The following CAMKMT variants were observed in gnomAD, a reference collection of about 807,000 sequenced individuals.
CAMKMT encodes the protein calmodulin-lysine N-methyltransferase.
Under a neutral mutation model 48.0 loss-of-function variants are expected in CAMKMT, and 53 were observed. The observed-to-expected ratio is 1.10, with a 90% CI of 0.89 to 1.39. The LOEUF (loss-of-function observed/expected upper bound fraction) is 1.39, where lower values mean the gene tolerates loss of function less well. Ranked by LOEUF, CAMKMT falls within the 40% of genes most tolerant of loss-of-function variation. The pLI, the probability that CAMKMT is intolerant of heterozygous loss-of-function variation, is 0.00. For synonymous variants in CAMKMT, 165 were observed against 152.3 expected, an observed-to-expected ratio of 1.08 and a Z score of -0.61; for missense variants, 428 against 402.7, an observed-to-expected ratio of 1.06 and a Z score of -0.54.
At chr2:44,726,226 A>T (rs538342005) in intron 7 of CAMKMT, among the ~76,000 whole-genome samples, 1 of 152,296 alleles carries the variant, frequency 6.6e-6, no homozygotes, top group East Asian at 1.9e-4. Flanking sequence ...TGGTGGTTGA[A>T]CTAATTTACA....
intron 3 of CAMKMT, among the ~76,000 whole-genome samples, chr2:44,411,979 A>AAT (rs1683232087): frequency 1.1e-5 from 1 of 91,840 alleles, no homozygotes; most frequent in African/African-American, 4.3e-5. Flanking sequence ...ATTCTCTTCA[A>AAT]TTTTTTTTTT....
At chr2:44,682,088 T>C (rs1676049131) in intron 3 of CAMKMT, among the ~76,000 whole-genome samples, 1 of 152,170 alleles carries the variant, frequency 6.6e-6, no homozygotes, top group Non-Finnish European at 1.5e-5. Context: ...TGCCTTAGAG[T>C]GTAAACCTGA....
At chr2:44,591,217 G>A (rs1234873355) in intron 3 of CAMKMT, among the ~76,000 whole-genome samples, 1 of 151,292 alleles carries the variant, frequency 6.6e-6, no homozygotes, top group African/African-American at 2.4e-5. Context: ...TTTTGGCTTA[G>A]GATTGACTTG....
intron 1 of CAMKMT, among the ~76,000 whole-genome samples, chr2:44,367,653 A>C (rs891340837): frequency 5.7e-5 from 7 of 122,844 alleles, no homozygotes; most frequent in African/African-American, 4.9e-4. Context: ...CCTCTCTGGC[A>C]GGCAGATATA....
chr2:44,643,451 G>A (rs1023635049), intron 3 of CAMKMT, among the ~76,000 whole-genome samples: 4 of 152,152 alleles, frequency 2.6e-5, no homozygotes, highest in African/African-American at 9.7e-5. Context: ...AGTGAGAGAG[G>A]TCTAGATGGA....
At chr2:44,726,083 G>A (rs889279903) in intron 7 of CAMKMT, among the ~76,000 whole-genome samples, 5 of 152,132 alleles carry the variant, frequency 3.3e-5, no homozygotes, top group African/African-American at 9.7e-5. Flanking sequence ...GTGAGAATAC[G>A]TGGTATTTGG....
chr2:44,758,419 T>C (rs1680472130), intron 9 of CAMKMT, among the ~76,000 whole-genome samples: 1 of 152,188 alleles, frequency 6.6e-6, no homozygotes, highest in Non-Finnish European at 1.5e-5. Flanking sequence ...AACAGGCACC[T>C]GTGCCTGAAA....
At chr2:44,499,671 T>C (rs1449283410) in intron 3 of CAMKMT, among the ~76,000 whole-genome samples, 1 of 152,244 alleles carries the variant, frequency 6.6e-6, no homozygotes, top group East Asian at 1.9e-4. Context: ...ATGAAATTCT[T>C]CTAATATTAC....
At chr2:44,705,961 G>A (rs1304463326) in intron 4 of CAMKMT, among the ~76,000 whole-genome samples, 2 of 151,898 alleles carry the variant, frequency 1.3e-5, no homozygotes, top group Non-Finnish European at 2.9e-5. Context: ...CTTCTCTTTC[G>A]CTACTCTAGC....
chr2:44,430,226 A>G (rs1307745181), intron 3 of CAMKMT, among the ~76,000 whole-genome samples: 2 of 152,090 alleles, frequency 1.3e-5, no homozygotes, highest in Non-Finnish European at 2.9e-5. Flanking sequence ...ATCTCCATCA[A>G]CTGTAAAGTT....
chr2:44,711,243 A>C (rs1677860682), intron 6 of CAMKMT, among the ~76,000 whole-genome samples: 1 of 152,160 alleles, frequency 6.6e-6, no homozygotes, highest in Admixed American at 6.5e-5. Flanking sequence ...GGGTAGCAGC[A>C]CAACAAATAT....
chr2:44,530,020 A>G (rs1666396877), intron 3 of CAMKMT, among the ~76,000 whole-genome samples: 1 of 152,166 alleles, frequency 6.6e-6, no homozygotes, highest in Non-Finnish European at 1.5e-5. Context: ...AGCAAAAATT[A>G]ATTTCCCCTA....
At chr2:44,594,396 A>C (rs1670519291) in intron 3 of CAMKMT, among the ~76,000 whole-genome samples, 2 of 152,322 alleles carry the variant, frequency 1.3e-5, no homozygotes, top group South Asian at 4.2e-4. Flanking sequence ...GCATCACGCT[A>C]CCTGACTTCA....
In CAMKMT at chr2:44,495,706, C is replaced by T. The variant is rs187446593; in HGVS notation, c.376+105401C>T. ...GTTGCATGAGCAAGGCAGATTTGGA[C>T]CCAGCCTGAAATCTCTAGTCAGCTC... On this transcript the variant is annotated intron_variant, in intron 3 of 10. Coordinates refer to ENST00000378494, the MANE Select transcript of CAMKMT (RefSeq NM_024766.5). Among the ~76,000 whole-genome samples, 1,336 of 152,248 alleles carry T rather than the reference C, an allele frequency of 8.8e-3. 11 individuals carry two copies. The highest frequency in any genetic ancestry group is 0.025 in the African/African-American group (1,035 of 41,542).
At position 44,445,674 on chromosome 2, in the gene CAMKMT, T is replaced by G. The variant is rs1304851617; in HGVS notation, c.376+55369T>G. ...TTTTTTTTTTTTTTTTTTTTTTTTT[T>G]TTTTTTTTTTTTTTTTTTTACCAGT... On this transcript the variant is annotated intron_variant, in intron 3 of 10. Coordinates refer to ENST00000378494, the MANE Select transcript of CAMKMT (RefSeq NM_024766.5). Among the ~76,000 whole-genome samples the G allele has an allele frequency of 2.5e-4, 9 of 36,170 alleles. 2 individuals are homozygous for G. Among genetic ancestry groups the G allele is most frequent in the African/African-American group, 3.8e-4 (5 of 13,268 alleles). The allele number at this position is 36,170 out of a possible 152,430, so 23.7% of individuals were successfully genotyped here. A position where few individuals can be genotyped will look rare whatever the true frequency, so the allele number is the denominator to read the frequency against.
At chr2:44,759,276 A>G (rs1416138231) in intron 9 of CAMKMT, among the ~76,000 whole-genome samples, 1 of 152,054 alleles carries the variant, frequency 6.6e-6, no homozygotes, top group East Asian at 1.9e-4. Context: ...GGCATGCACC[A>G]CCATGCCTGG....
intron 3 of CAMKMT, among the ~76,000 whole-genome samples, chr2:44,563,597 A>G (rs1668444702): frequency 6.6e-6 from 1 of 152,052 alleles, no homozygotes; most frequent in South Asian, 2.1e-4. Flanking sequence ...TACGTTAGGT[A>G]TATCTCCTAA....
At chr2:44,585,804 TA>T (rs1455703163) in intron 3 of CAMKMT, among the ~76,000 whole-genome samples, 1 of 152,210 alleles carries the variant, frequency 6.6e-6, no homozygotes, top group African/African-American at 2.4e-5. Context: ...TTAGGAGTCA[TA>T]GTGGAATTCA....
intron 3 of CAMKMT, among the ~76,000 whole-genome samples, chr2:44,398,646 C>G (rs550338172): frequency 1.4e-4 from 21 of 150,880 alleles, no homozygotes; most frequent in Admixed American, 4.6e-4. Flanking sequence ...TAACATAGCC[C>G]CTTCTCTAAG....
Sources: allele counts gnomAD v4.1 joint callset (sites outside exome capture counted in the v4.1 genomes callset), GRCh38; gene constraint gnomAD v4.1.1; transcripts MANE v1.5; gene names NCBI Gene and HGNC (gene_info 2026-07-23, HGNC 2026-07-21).